ITPR2: variants seen among roughly 807,000 people sequenced by gnomAD.
ITPR2 encodes inositol 1,4,5-trisphosphate receptor type 2, also known as inositol 1,4,5-trisphosphate-gated calcium channel ITPR2.
Under a neutral mutation model 317.1 loss-of-function variants are expected in ITPR2, and 207 were observed. The observed-to-expected ratio is 0.65, with a 90% confidence interval of 0.58 to 0.73. The LOEUF is 0.73. Among genes scored for constraint, ITPR2 ranks in the 30% least tolerant of loss-of-function variants. The pLI, the probability that ITPR2 is intolerant of heterozygous loss-of-function variation, is 0.00. For synonymous variants in ITPR2, 1,156 were observed against 1,149.1 expected (o/e 1.01, Z -0.12); for missense variants, 2,613 against 3,284.0 (o/e 0.80, Z 4.99).
rs1320033129 is a variant in ITPR2, at chr12:26,832,701, G to T, written c.81C>A (p.Ile27=). The change falls in exon 1 of 57, where the codon ATC becomes ATA. Residue 27 remains isoleucine, a synonymous_variant. Transcript: ENST00000381340. ...CGTCTCCCGCTTACCCCAAGGTGCT[G>T]ATGAAGCCGTTGACCGAGCCCTCCG... is the stretch of plus-strand genomic sequence containing the variant. The part of the protein sequence containing the change: ...LYAEGSVNGF[I]STLGLVDDRC... 1.9e-6 allele frequency: 3 copies of T among 1,599,678 alleles called. No individual in the cohort carries two copies. Among genetic ancestry groups the T allele is most frequent in the Non-Finnish European group, 2.6e-6 (3 of 1,173,760 alleles).
At chr12:26,789,632 A>G (rs188923591) in intron 2 of ITPR2, among the ~76,000 whole-genome samples, 65 of 152,302 alleles carry the variant, frequency 4.3e-4, no homozygotes, top group South Asian at 6.2e-4. Context: ...GTTATAATCA[A>G]TCTCTTACTA....
intron 46 of ITPR2, among the ~76,000 whole-genome samples, chr12:26,442,038 A>G (rs1941498866): frequency 6.6e-6 from 1 of 151,994 alleles, no homozygotes; most frequent in African/African-American, 2.4e-5. Context: ...CCATTATAAT[A>G]TCTTCCTATC....
intron 55 of ITPR2, among the ~76,000 whole-genome samples, chr12:26,360,877 C>T (rs1343931335): frequency 6.6e-6 from 1 of 151,946 alleles, no homozygotes; most frequent in African/African-American, 2.4e-5. Flanking sequence ...CTAAGTTTAC[C>T]AATTTTTTTT....
chr12:26,394,793 G>C (rs1418336514), intron 54 of ITPR2, among the ~76,000 whole-genome samples: 1 of 152,150 alleles, frequency 6.6e-6, no homozygotes, highest in East Asian at 1.9e-4. Context: ...ACTAAGATGT[G>C]GCTGTGGGAA....
intron 35 of ITPR2, among the ~76,000 whole-genome samples, chr12:26,560,430 C>T (rs1344414304): frequency 2.0e-5 from 3 of 152,056 alleles, no homozygotes; most frequent in Non-Finnish European, 4.4e-5. Flanking sequence ...CTGTATTTTC[C>T]ATTGCCCTCC....
chr12:26,516,295 A>T (rs11048559), intron 37 of ITPR2, among the ~76,000 whole-genome samples: 2 of 52,554 alleles, frequency 3.8e-5, no homozygotes, highest in African/African-American at 1.3e-4. Flanking sequence ...GGGAAAGGAA[A>T]GGAAAGGAAA....
intron 55 of ITPR2, among the ~76,000 whole-genome samples, chr12:26,385,984 T>C (rs1240138188): frequency 6.6e-6 from 1 of 152,214 alleles, no homozygotes; most frequent in Non-Finnish European, 1.5e-5. Context: ...TCATACTCTT[T>C]AGTGTATAGT....
In ITPR2 at chr12:26,499,679, T is replaced by C. The variant is rs143677608; in HGVS notation, c.5074-4419A>G. Among the ~76,000 whole-genome samples the C allele has an allele frequency of 4.2e-4, 64 of 152,338 alleles. 1 individual carries two copies. Among genetic ancestry groups the C allele is most frequent in the African/African-American group, 1.4e-3 (59 of 41,578 alleles). On this transcript the variant is annotated intron_variant, in intron 37 of 56. Transcript: ENST00000381340. ...TGGGAACAGTCTACAACTTGCAAAG[T>C]GCTTTTGCAGACACTTTCTTATGTT...
At chr12:26,810,529 T>G (rs550547213) in intron 1 of ITPR2, among the ~76,000 whole-genome samples, 4 of 152,218 alleles carry the variant, frequency 2.6e-5, no homozygotes, top group African/African-American at 9.6e-5. Context: ...CTGACTCGAT[T>G]CCAAGAACTT....
intron 45 of ITPR2, among the ~76,000 whole-genome samples, chr12:26,472,752 C>A (rs1274646890): frequency 6.6e-6 from 1 of 152,082 alleles, no homozygotes; most frequent in Non-Finnish European, 1.5e-5. Flanking sequence ...ATATAGGTTG[C>A]TTTATGTTTT....
At chr12:26,559,016 C>A (rs2137023342) in intron 35 of ITPR2, among the ~76,000 whole-genome samples, 1 of 152,320 alleles carries the variant, frequency 6.6e-6, no homozygotes, top group African/African-American at 2.4e-5. Flanking sequence ...GATTCATCCA[C>A]CAAGTTCTAT....
chr12:26,764,331 G>A (rs553315551), intron 2 of ITPR2, among the ~76,000 whole-genome samples: 21 of 152,132 alleles, frequency 1.4e-4, no homozygotes, highest in East Asian at 5.8e-4. Context: ...GGCACAATCC[G>A]TGAAAGAATC....
At chr12:26,819,112 C>T (rs1950901661) in intron 1 of ITPR2, among the ~76,000 whole-genome samples, 1 of 152,100 alleles carries the variant, frequency 6.6e-6, no homozygotes, top group South Asian at 2.1e-4. Flanking sequence ...CAGAAGAAAT[C>T]AAAATATGTG....
chr12:26,464,680 G>A (rs1018111972), intron 45 of ITPR2, among the ~76,000 whole-genome samples: 3 of 152,234 alleles, frequency 2.0e-5, no homozygotes, highest in Non-Finnish European at 2.9e-5. Flanking sequence ...ACATTCATGA[G>A]TAAAACCTAA....
chr12:26,419,686 C>T (rs1407590155), intron 49 of ITPR2: 2 of 151,958 alleles, frequency 1.3e-5, no homozygotes, highest in Non-Finnish European at 2.9e-5. Flanking sequence ...TACAATGACT[C>T]CTAAAAATAT....
chr12:26,349,614 A>G (rs1938417076), intron 55 of ITPR2, among the ~76,000 whole-genome samples: 1 of 152,280 alleles, frequency 6.6e-6, no homozygotes, highest in African/African-American at 2.4e-5. Context: ...TTATAAAGCA[A>G]TATGACAAAC....
intron 54 of ITPR2, among the ~76,000 whole-genome samples, chr12:26,388,399 TCCAACCCTGGCTATTCTTTCTCTAAGCA>T (rs964187021): frequency 1.3e-5 from 2 of 152,200 alleles, no homozygotes; most frequent in African/African-American, 4.8e-5. Context: ...GAAACTGAAA[TCCAACCCTGGCTATTCTTTCTCTAAGCA>T]TTTTTTGTAA....
intron 55 of ITPR2, among the ~76,000 whole-genome samples, chr12:26,341,035 G>C (rs1030874130): frequency 6.6e-6 from 1 of 152,198 alleles, no homozygotes; most frequent in African/African-American, 2.4e-5. Context: ...CAGACTGACA[G>C]ATGCTTTCTT....
intron 15 of ITPR2, 102 bp downstream of exon 15, chr12:26,663,583 T>G: frequency 3.6e-6 from 4 of 1,119,026 alleles, no homozygotes; most frequent in Non-Finnish European, 3.8e-6. Flanking sequence ...CATTTCAAAG[T>G]GAAATTTCCC....
Sources: allele counts gnomAD v4.1 joint callset (sites outside exome capture counted in the v4.1 genomes callset), GRCh38; gene constraint gnomAD v4.1.1; transcripts MANE v1.5; gene names NCBI Gene and HGNC (gene_info 2026-07-23, HGNC 2026-07-21).